The following SDK1 variants were observed in gnomAD, a reference collection of about 807,000 sequenced individuals.
The protein encoded by SDK1 is protein sidekick-1.
SDK1 carries 157 observed loss-of-function variants against 245.5 expected under a neutral mutation model. That is an observed-to-expected ratio of 0.64 (90% CI 0.56 to 0.73). The LOEUF is 0.73. Among genes scored for constraint, SDK1 ranks in the 30% least tolerant of loss-of-function variants. The pLI is 0.00. For synonymous variants in SDK1, 1,647 were observed against 1,278.5 expected, an observed-to-expected ratio of 1.29 and a Z score of -6.15; for missense variants, 3,583 against 3,002.3, an observed-to-expected ratio of 1.19 and a Z score of -4.52.
intron 2 of SDK1, among the ~76,000 whole-genome samples, chr7:3,625,256 TTCA>T (rs1425643641): frequency 2.6e-5 from 4 of 152,282 alleles, no homozygotes; most frequent in South Asian, 2.1e-4. Context: ...ATTGAGAAAC[TTCA>T]TCAGAAACCG....
intron 27 of SDK1, 60 bp from the exon 28 acceptor site, chr7:4,132,265 C>T: frequency 9.7e-6 from 13 of 1,343,202 alleles, no homozygotes; most frequent in Non-Finnish European, 1.4e-5. Flanking sequence ...CCTGTGTAAC[C>T]TGTCACGCAC....
chr7:4,058,310 G>A (rs1331948615), intron 19 of SDK1, among the ~76,000 whole-genome samples: 1 of 151,998 alleles, frequency 6.6e-6, no homozygotes, highest in South Asian at 2.1e-4. Context: ...ACAGCAGAAG[G>A]AATTTCAGAA....
At chr7:3,982,712 T>C (rs1276832847) in intron 13 of SDK1, among the ~76,000 whole-genome samples, 1 of 151,736 alleles carries the variant, frequency 6.6e-6, no homozygotes, top group African/African-American at 2.4e-5. Context: ...TGGTGGCGGG[T>C]GCCTGTAGTC....
At chr7:3,589,204 T>C (rs1211071476) in intron 1 of SDK1, among the ~76,000 whole-genome samples, 1 of 152,206 alleles carries the variant, frequency 6.6e-6, no homozygotes, top group Non-Finnish European at 1.5e-5. Context: ...ACGTTGGTAC[T>C]GATCTCACAG....
intron 1 of SDK1, among the ~76,000 whole-genome samples, chr7:3,498,288 T>C (rs542705519): frequency 6.6e-6 from 1 of 152,210 alleles, no homozygotes; most frequent in Non-Finnish European, 1.5e-5. Context: ...TAGATTTTGC[T>C]AGAGTTTAAA....
chr7:3,495,859 G>A (rs930074626), intron 1 of SDK1, among the ~76,000 whole-genome samples: 1 of 152,210 alleles, frequency 6.6e-6, no homozygotes, highest in Non-Finnish European at 1.5e-5. Flanking sequence ...GCCAGGAAGA[G>A]AGATGCCAGC....
chr7:4,102,527 C>T (rs967075727), intron 22 of SDK1, among the ~76,000 whole-genome samples: 1 of 152,200 alleles, frequency 6.6e-6, no homozygotes, highest in Admixed American at 6.5e-5. Context: ...CCACACGCAG[C>T]TGCACCTTGT....
intron 1 of SDK1, among the ~76,000 whole-genome samples, chr7:3,593,621 C>G (rs1167339044): frequency 6.6e-6 from 1 of 152,140 alleles, no homozygotes; most frequent in African/African-American, 2.4e-5. Flanking sequence ...TACTGGGGAA[C>G]CTCTTGAGTC....
At chr7:3,723,914 A>T (rs1240741485) in intron 4 of SDK1, among the ~76,000 whole-genome samples, 1 of 131,470 alleles carries the variant, frequency 7.6e-6, no homozygotes, top group African/African-American at 3.3e-5. Flanking sequence ...ACGTACATAT[A>T]TATATACACG....
At chr7:3,805,684 A>G (rs1779223750) in intron 4 of SDK1, among the ~76,000 whole-genome samples, 1 of 152,210 alleles carries the variant, frequency 6.6e-6, no homozygotes, top group Non-Finnish European at 1.5e-5. Flanking sequence ...TGTTTGTCAG[A>G]AGAGTAAGTG....
chr7:4,125,189 T>TGATGGATG (rs139127658), intron 25 of SDK1, among the ~76,000 whole-genome samples: 13 of 127,702 alleles, frequency 1.0e-4, no homozygotes, highest in African/African-American at 3.9e-4. Context: ...GATGGATGGG[T>TGATGGATG]GATGGATGGA....
chr7:3,665,941 A>G (rs1262540474), intron 4 of SDK1, among the ~76,000 whole-genome samples: 1 of 151,730 alleles, frequency 6.6e-6, no homozygotes, highest in Non-Finnish European at 1.5e-5. Context: ...ACCTTCTACC[A>G]TCTTCCCACA....
In SDK1 at chr7:4,132,322, C is replaced by T. The variant is rs752796301; in HGVS notation, c.4130-3C>T. The T allele has an allele frequency of 6.2e-6, 10 of 1,606,514 alleles. No homozygotes were observed. In the East Asian group the frequency reaches 1.8e-4, roughly 29 times the overall value. ...TCTGAATCCCTGTGGTTTTTCCCTTCAGCCCCAGGCCCACCAGTGAGGCTC... is the reference window on the plus strand; with the variant it reads ...TCTGAATCCCTGTGGTTTTTCCCTTTAGCCCCAGGCCCACCAGTGAGGCTC... On this transcript the variant is annotated splice_polypyrimidine_tract_variant and splice_region_variant and intron_variant, in intron 27 of 44. Coordinates refer to ENST00000404826, the MANE Select transcript of SDK1 (RefSeq NM_152744.4).
At chr7:3,668,673 C>T (rs1451209968) in intron 4 of SDK1, among the ~76,000 whole-genome samples, 1 of 152,180 alleles carries the variant, frequency 6.6e-6, no homozygotes, top group Admixed American at 6.5e-5. Flanking sequence ...CACCTGTAAT[C>T]CCACCTACTC....
intron 1 of SDK1, among the ~76,000 whole-genome samples, chr7:3,463,936 G>T (rs967519668): frequency 5.9e-5 from 9 of 152,180 alleles, no homozygotes; most frequent in Admixed American, 5.9e-4. Context: ...TGTAACCTCA[G>T]GGCTTTTTCT....
At chr7:3,648,863 C>G (rs745452129) in intron 4 of SDK1, among the ~76,000 whole-genome samples, 63 of 152,178 alleles carry the variant, frequency 4.1e-4, no homozygotes, top group Admixed American at 9.8e-4. Context: ...GGGAAAATTA[C>G]TTATTCTCCC....
At chr7:3,901,784 G>A (rs1037619220) in intron 5 of SDK1, among the ~76,000 whole-genome samples, 3 of 152,152 alleles carry the variant, frequency 2.0e-5, no homozygotes, top group Admixed American at 6.5e-5. Flanking sequence ...TGTTTATTAG[G>A]TTAGTCTTCT....
intron 17 of SDK1, among the ~76,000 whole-genome samples, chr7:4,045,962 G>GT (rs1009251911): frequency 3.3e-5 from 5 of 149,840 alleles, no homozygotes; most frequent in African/African-American, 7.4e-5. Flanking sequence ...CTTTTTTTTT[G>GT]TTTTTTTCTT....
chr7:3,990,426 C>T (rs1271795908), intron 14 of SDK1, among the ~76,000 whole-genome samples: 1 of 152,238 alleles, frequency 6.6e-6, no homozygotes, highest in Non-Finnish European at 1.5e-5. Flanking sequence ...AGCTTCCATT[C>T]AACGGCTCTG....
Sources: gnomAD v4.1 joint callset for allele counts (sites outside exome capture counted in the v4.1 genomes callset) on GRCh38, gnomAD v4.1.1 for gene constraint, MANE v1.5 for transcripts, NCBI Gene and HGNC (gene_info 2026-07-23, HGNC 2026-07-21) for gene names.